The following LCN15 variants were observed in gnomAD, a reference collection of about 807,000 sequenced individuals.
LCN15 encodes the protein lipocalin 15, also known as lipocalin-15.
Under a neutral mutation model 23.1 loss-of-function variants are expected in LCN15, and 26 were observed. That is an observed-to-expected ratio of 1.13 (90% confidence interval 0.82 to 1.56). The LOEUF (loss-of-function observed/expected upper bound fraction) is 1.56. Among genes scored for constraint, LCN15 ranks in the 40% most tolerant of loss-of-function variants. LCN15 has a pLI of 0.00. For missense variants in LCN15, 241 were observed against 239.5 expected (o/e 1.01, Z -0.04); for synonymous variants, 107 against 98.3 (o/e 1.09, Z -0.52).
chr9:136,763,595 G>T, intron 3 of LCN15, 118 bp downstream of exon 3: 2 of 1,274,458 alleles, frequency 1.6e-6, no homozygotes, highest in Non-Finnish European at 2.2e-6. Context: ...GGCGGGGAGG[G>T]CGGGCAGGGG....
At chr9:136,760,821 G>T (rs899566883) in intron 6 of LCN15, among the ~76,000 whole-genome samples, 8 of 152,374 alleles carry the variant, frequency 5.3e-5, no homozygotes, top group African/African-American at 1.9e-4. Flanking sequence ...GGGACACAGA[G>T]CTGTGGATTG....
chr9:136,759,968 G>GGTA (rs953869556), intron 6 of LCN15, among the ~76,000 whole-genome samples, 185 bp from the exon 7 acceptor site: 7 of 95,386 alleles, frequency 7.3e-5, no homozygotes, highest in African/African-American at 2.3e-4. Context: ...CCAGGCGAGA[G>GGTA]GCTGCCCCAG....
intron 5 of LCN15, 81 bp downstream of exon 5, chr9:136,762,107 T>G: frequency 1.1e-6 from 1 of 933,418 alleles, no homozygotes; most frequent in African/African-American, 1.7e-5. Context: ...CTGCCTGTGC[T>G]GTGAGGGGAA....
chr9:136,761,797 CG>C lies in LCN15; in HGVS notation c.*21del. Reference sequence around the variant, plus strand: ...GCCTGGAGAACCCACCTGGGAAGGGCGGGGGTGGGGCTCCGGAGGTGTCAGG... The same window carrying C: ...GCCTGGAGAACCCACCTGGGAAGGGCGGGGTGGGGCTCCGGAGGTGTCAGG... On this transcript the variant is annotated 3_prime_UTR_variant, in exon 6 of 7. Transcript: ENST00000316144. The surrounding 1 kb of genome is among the most constrained non-coding windows in gnomAD (Gnocchi z 4.2). 8.0e-7 allele frequency: 1 copy of C among 1,248,084 alleles called. No individual in the cohort carries two copies. 77.3% of individuals were successfully genotyped at this position (1,248,084 alleles called of 1,614,324 possible). A position where few individuals can be genotyped will look rare whatever the true frequency, so the allele number is the denominator to read the frequency against.
In LCN15 at chr9:136,762,240, G is replaced by A. The variant is rs1214437034; in HGVS notation, c.468C>T (p.Phe156=). Residue 156 remains phenylalanine (F), a synonymous_variant, in exon 5 of 7, where the codon TTC becomes TTT. Coordinates refer to ENST00000316144, the MANE Select transcript of LCN15 (RefSeq NM_203347.2). ...SPQALKSFQD[F]YPTLGLPKDM... is the part of the protein sequence containing the mutation. ...CCTTGGGGAGCCCCAGGGTCGGGTAGAAGTCCTGGAAGGACTTCAGAGCCT... is the reference window on the plus strand; with the variant it reads ...CCTTGGGGAGCCCCAGGGTCGGGTAAAAGTCCTGGAAGGACTTCAGAGCCT... 3 of 1,599,770 alleles carry A rather than the reference G, an allele frequency of 1.9e-6. No individual in the cohort carries two copies. In the East Asian group the frequency reaches 6.8e-5, roughly 36 times the overall value.
At chr9:136,760,678 G>A (rs1847307549) in intron 6 of LCN15, among the ~76,000 whole-genome samples, 1 of 152,248 alleles carries the variant, frequency 6.6e-6, no homozygotes, top group Non-Finnish European at 1.5e-5. Flanking sequence ...CCCGCACGTG[G>A]CTCCTGTGAG....
chr9:136,762,162 G>A (rs1329297753), intron 5 of LCN15, 26 bp downstream of exon 5: 2 of 1,386,404 alleles, frequency 1.4e-6, no homozygotes, highest in African/African-American at 2.9e-5. Flanking sequence ...TGGGGGGCAT[G>A]GGGTGGGCGG....
chr9:136,761,138 G>A lies in LCN15; in HGVS notation c.*32+649C>T, dbSNP rs765650780. The stretch of plus-strand genomic sequence containing the variant: ...GAAATGCCCAGGACAAGCGGCAGCC[G>A]TGGGAGCTGGGGGGGCGGTGTGGGA... On this transcript the variant is annotated intron_variant, in intron 6 of 6. Transcript: ENST00000316144. The surrounding 1 kb of genome is among the most constrained non-coding windows in gnomAD (Gnocchi z 4.2). 1.3e-5 allele frequency among the ~76,000 whole-genome samples: 2 copies of A among 152,182 alleles called. No individual in the cohort carries two copies. Among genetic ancestry groups the A allele is most frequent in the African/African-American group, 2.4e-5 (1 of 41,438 alleles).
At chr9:136,760,359 G>C (rs951068223) in intron 6 of LCN15, among the ~76,000 whole-genome samples, 3 of 150,776 alleles carry the variant, frequency 2.0e-5, no homozygotes, top group Non-Finnish European at 4.4e-5. Flanking sequence ...AACAGCCCCA[G>C]TGTCCCCAGG....
In LCN15 at chr9:136,763,478, G is replaced by T; in HGVS notation, c.308-11C>A. ...CCAGGTAGCCCAAGGCTGCGGAGAG[G>T]CAGGCGGCCTTTTCAGGCTGGAGAA... On this transcript the variant is annotated splice_polypyrimidine_tract_variant and intron_variant, in intron 3 of 6. Transcript: ENST00000316144. 6.3e-7 allele frequency: 1 copy of T among 1,576,770 alleles called. No homozygotes were observed.
At chr9:136,763,032 C>T (rs1398883204) in intron 4 of LCN15, among the ~76,000 whole-genome samples, 1 of 150,968 alleles carries the variant, frequency 6.6e-6, no homozygotes, top group Admixed American at 6.6e-5. Flanking sequence ...GAGCATGCAC[C>T]GCGGGACCCT....
Position 136,764,010 on chromosome 9 carries a change from C to T in LCN15, c.97-1G>A. The stretch of plus-strand genomic sequence containing the variant: ...AGACCACGTACCAGAGGCCTGAGAA[C>T]TGCCGGGGGCTTAGTCACCCGCAGG... On this transcript the variant is annotated splice_acceptor_variant, in intron 1 of 6. Transcript: ENST00000316144. LOFTEE classifies it high-confidence loss of function. 2 of 1,612,256 alleles carry T rather than the reference C, an allele frequency of 1.2e-6. No individual in the cohort carries two copies. Among genetic ancestry groups the T allele is most frequent in the Non-Finnish European group, 1.7e-6 (2 of 1,179,536 alleles).
Position 136,761,575 on chromosome 9 carries a change from T to C in LCN15, c.*32+212A>G, listed in dbSNP as rs193118910. Among the ~76,000 whole-genome samples, 634 of 152,344 alleles carry C rather than the reference T, an allele frequency of 4.2e-3. 10 individuals are homozygous for C. The highest frequency in any genetic ancestry group is 0.015 in the African/African-American group (609 of 41,564). The stretch of plus-strand genomic sequence containing the variant: ...TGCACCCGGCCAAACTTCTGCTGTT[T>C]TAAGTCGCCCCATTTGTGGTACTCT... On this transcript the variant is annotated intron_variant, in intron 6 of 6. Transcript: ENST00000316144. The surrounding 1 kb of genome is among the most constrained non-coding windows in gnomAD (Gnocchi z 4.2).
At chr9:136,760,378 C>T (rs912169344) in intron 6 of LCN15, among the ~76,000 whole-genome samples, 2 of 150,942 alleles carry the variant, frequency 1.3e-5, no homozygotes, top group African/African-American at 4.9e-5. Flanking sequence ...GGCAGGACGG[C>T]GAGTCTCCAG....
rs766912923 is a variant in LCN15, at chr9:136,763,889, C to T, written c.217G>A (p.Val73Ile). Residue 73 changes from valine to isoleucine, a missense_variant, in exon 2 of 7, where the codon GTC (valine) becomes ATC (isoleucine). Val to Ile is a conservative substitution (Grantham distance 29, BLOSUM62 3). Coordinates refer to ENST00000316144, the MANE Select transcript of LCN15 (RefSeq NM_203347.2). ...ACTCACCCCGGGAACTCCATGTGGA[C>T]GTGGAGGCCGCCCTCCTCTGTGGGC... ...IRPTEEGGLH[V>I]HMEFPGADGC... 37 of 1,613,620 alleles carry T rather than the reference C, an allele frequency of 2.3e-5. No homozygotes were observed. The highest frequency in any genetic ancestry group is 8.9e-5 in the East Asian group (4 of 44,886).
chr9:136,763,155 G>T (rs540593127), intron 4 of LCN15, among the ~76,000 whole-genome samples: 136 of 151,762 alleles, frequency 9.0e-4, no homozygotes, highest in African/African-American at 3.0e-3. Context: ...GAGGGCATGG[G>T]GCAGCACCAG....
chr9:136,762,316 C>T lies in LCN15; in HGVS notation c.419-27G>A, dbSNP rs754187889. 7 of 1,354,686 alleles carry T rather than the reference C, an allele frequency of 5.2e-6. No homozygotes were observed. The Admixed American group carries it at 1.1e-4, about 22-fold the overall frequency. The allele number at this position is 1,354,686 out of a possible 1,614,324, so 83.9% of individuals were successfully genotyped here. A position where few individuals can be genotyped will look rare whatever the true frequency, so the allele number is the denominator to read the frequency against. The stretch of plus-strand genomic sequence containing the variant: ...TGGGCAGAGCAGAGGTCACTGTGAA[C>T]TCAGCAGCTCACAGGAGTGCAGCAC... On this transcript the variant is annotated intron_variant, in intron 4 of 6. Transcript: ENST00000316144.
intron 6 of LCN15, among the ~76,000 whole-genome samples, 179 bp from the exon 7 acceptor site, chr9:136,759,962 GCGAGAGGCTGCCCCAGA>G (rs1847296492): frequency 1.4e-5 from 1 of 69,714 alleles, no homozygotes; most frequent in Non-Finnish European, 3.8e-5. Context: ...GCTGCCCCAG[GCGAGAGGCTGCCCCAGA>G]GGCCATCCCT....
rs1847290667 is a variant in LCN15, at chr9:136,759,688, A to C, written c.*128T>G. On this transcript the variant is annotated 3_prime_UTR_variant, in exon 7 of 7. Coordinates refer to ENST00000316144, the MANE Select transcript of LCN15 (RefSeq NM_203347.2). Reference sequence around the variant, plus strand: ...AAAGAGACGTCCCACAAGGCATCCCACAGGCGGGGGGTGGAGGATGGAGAG... The same window carrying C: ...AAAGAGACGTCCCACAAGGCATCCCCCAGGCGGGGGGTGGAGGATGGAGAG... 1 of 152,268 alleles carries C rather than the reference A, an allele frequency of 6.6e-6. No individual in the cohort carries two copies. Among genetic ancestry groups the C allele is most frequent in the East Asian group, 1.9e-4 (1 of 5,192 alleles). 9.4% of individuals were successfully genotyped at this position (152,268 alleles called of 1,614,324 possible).
Sources: allele counts gnomAD v4.1 joint callset (sites outside exome capture counted in the v4.1 genomes callset), GRCh38; gene constraint gnomAD v4.1.1; non-coding constraint Gnocchi (gnomAD v3.1); transcripts MANE v1.5; gene names NCBI Gene and HGNC (gene_info 2026-07-23, HGNC 2026-07-21).